Variants in ABHD2 observed in about 807,000 individuals in gnomAD.
The protein encoded by ABHD2 is abhydrolase domain containing 2, acylglycerol lipase.
In ABHD2, 20 loss-of-function variants were observed where a neutral mutation model predicts 48.1. That is an observed-to-expected ratio of 0.42 (90% CI 0.29 to 0.60). The LOEUF (loss-of-function observed/expected upper bound fraction) is 0.60. ABHD2 is among the 20% of genes least tolerant of loss of function. ABHD2 has a pLI of 0.24. For synonymous variants in ABHD2, 209 were observed against 214.2 expected, an observed-to-expected ratio of 0.98 and a Z score of 0.21; for missense variants, 405 against 550.9, an observed-to-expected ratio of 0.74 and a Z score of 2.65.
Position 89,155,401 on chromosome 15 carries a change from C to T in ABHD2, c.405C>T (p.Ala135=), listed in dbSNP as rs2050656175. 1 of 1,614,018 alleles carries T rather than the reference C, an allele frequency of 6.2e-7. No individual in the cohort carries two copies. Among genetic ancestry groups the T allele is most frequent in the African/African-American group, 1.3e-5 (1 of 74,918 alleles). The change falls in exon 5 of 11, where the codon GCC becomes GCT. Residue 135 remains alanine (A), a synonymous_variant. Coordinates refer to ENST00000352732, the MANE Select transcript of ABHD2 (RefSeq NM_152924.5). The surrounding 1 kb of genome is among the most constrained non-coding windows in gnomAD (Gnocchi z 4.9). ...DITMVICPGI[A]NHSEKQYIRT... ...CCATGGTCATCTGCCCTGGAATTGC[C>T]AATCACAGCGAGAAGCAATACATCC... is the stretch of plus-strand genomic sequence containing the variant.
rs1456569246 is a variant in ABHD2, at chr15:89,151,322, T to C, written c.195-355T>C. ...ATTTCATATACATCAGCTCCTTTAA[T>C]AATGAGCTAACCTGTCAAGTTAGAA... On this transcript the variant is annotated intron_variant, in intron 3 of 10. Coordinates refer to ENST00000352732, the MANE Select transcript of ABHD2 (RefSeq NM_152924.5). This position sits in a 1 kb window ranked among gnomAD's most constrained non-coding sequence, Gnocchi z 4.7. Among the ~76,000 whole-genome samples the C allele has an allele frequency of 6.6e-6, 1 of 152,232 alleles. No homozygotes were observed. Among genetic ancestry groups the C allele is most frequent in the East Asian group, 1.9e-4 (1 of 5,200 alleles).
chr15:89,063,547 GACAC>G, the ABHD2 span, among the ~76,000 whole-genome samples: 1 of 150,266 alleles, frequency 6.7e-6, no homozygotes, highest in East Asian at 1.9e-4. Flanking sequence ...CACACACACA[GACAC>G]ACACACACAC....
At chr15:89,156,825 A>C (rs147446082) in intron 5 of ABHD2, among the ~76,000 whole-genome samples, 93 of 152,366 alleles carry the variant, frequency 6.1e-4, no homozygotes, top group African/African-American at 2.1e-3. Context: ...TACATAAACA[A>C]TAAACACATA....
At chr15:89,161,443 G>A (rs917718033) in intron 5 of ABHD2, among the ~76,000 whole-genome samples, 3 of 151,810 alleles carry the variant, frequency 2.0e-5, no homozygotes, top group African/African-American at 7.3e-5. Flanking sequence ...CTCTGTTGCC[G>A]AGGCTGGAGT....
Position 89,185,082 on chromosome 15 carries a change from G to A in ABHD2, c.723-342G>A, listed in dbSNP as rs2051183120. Among the ~76,000 whole-genome samples, 1 of 152,186 alleles carries A rather than the reference G, an allele frequency of 6.6e-6. No individual in the cohort carries two copies. Among genetic ancestry groups the A allele is most frequent in the Non-Finnish European group, 1.5e-5 (1 of 68,036 alleles). The stretch of plus-strand genomic sequence containing the variant: ...AGGTAGGGAGCCAAATACAGAAAGT[G>A]TTCACATGACAATTGAAGCAGACTT... On this transcript the variant is annotated intron_variant, in intron 6 of 10. Transcript: ENST00000352732. This position sits in a 1 kb window ranked among gnomAD's most constrained non-coding sequence, Gnocchi z 5.9.
chr15:89,170,080 CTTTTTTTTTTTTTTTTTTTTTTTTTT>C (rs748983183), intron 5 of ABHD2, among the ~76,000 whole-genome samples: 1 of 37,486 alleles, frequency 2.7e-5, no homozygotes, highest in Non-Finnish European at 5.4e-5. Flanking sequence ...AGATCAGATT[CTTTTTTTTTTTTTTTTTTTTTTTTTT>C]TTTTTTTGGA....
rs896814133 is a variant in ABHD2 at position 89,184,204 on chromosome 15, G to A, written c.723-1220G>A. 2.0e-5 allele frequency among the ~76,000 whole-genome samples: 3 copies of A among 151,992 alleles called. No homozygotes were observed. The highest frequency in any genetic ancestry group is 2.1e-4 in the South Asian group (1 of 4,818). ...CCACTACCTCTTATTTTTTAACCAC[G>A]ACATTGTGGGAAATGTTTGTCACTC... On this transcript the variant is annotated intron_variant, in intron 6 of 10. Coordinates refer to ENST00000352732, the MANE Select transcript of ABHD2 (RefSeq NM_152924.5). This position sits in a 1 kb window ranked among gnomAD's most constrained non-coding sequence, Gnocchi z 5.1.
chr15:89,141,485 T>C (rs1596108428), intron 3 of ABHD2, among the ~76,000 whole-genome samples: 1 of 152,078 alleles, frequency 6.6e-6, no homozygotes, highest in Admixed American at 6.6e-5. Flanking sequence ...ATACAAAAAT[T>C]AGCCAGGCAT....
At chr15:89,105,102 G>A (rs902689753) in intron 1 of ABHD2, among the ~76,000 whole-genome samples, 1 of 152,214 alleles carries the variant, frequency 6.6e-6, no homozygotes, top group Non-Finnish European at 1.5e-5. Flanking sequence ...CTCAGTGAAA[G>A]AGAAAACAAT....
At chr15:89,095,999 C>T (rs762970041) in intron 1 of ABHD2, among the ~76,000 whole-genome samples, 10 of 152,110 alleles carry the variant, frequency 6.6e-5, no homozygotes, top group Admixed American at 2.0e-4. Flanking sequence ...ATGAACTTCG[C>T]GCAGAAAAGA....
the ABHD2 span, among the ~76,000 whole-genome samples, chr15:89,078,639 G>A: frequency 6.6e-6 from 1 of 152,046 alleles, no homozygotes; most frequent in Non-Finnish European, 1.5e-5. Context: ...AATTTTTTGT[G>A]GGTCCCAAAT....
At chr15:89,055,191 C>G in the ABHD2 span, among the ~76,000 whole-genome samples, 5 of 152,152 alleles carry the variant, frequency 3.3e-5, no homozygotes, top group African/African-American at 7.2e-5. Flanking sequence ...AATTGAAACC[C>G]AGTCCAAAAA....
rs1196527526 is a variant in ABHD2, at chr15:89,182,463, A to G, written c.723-2961A>G. On this transcript the variant is annotated intron_variant, in intron 6 of 10. Coordinates refer to ENST00000352732, the MANE Select transcript of ABHD2 (RefSeq NM_152924.5). This position sits in a 1 kb window ranked among gnomAD's most constrained non-coding sequence, Gnocchi z 4.8. ...CTGCCACCCCTTCTCTCTTCTGGAG[A>G]ACATAGCTATCTAGAGGCAAGTCAA... 1.3e-5 allele frequency among the ~76,000 whole-genome samples: 2 copies of G among 152,074 alleles called. No individual in the cohort carries two copies. Among genetic ancestry groups the G allele is most frequent in the Non-Finnish European group, 2.9e-5 (2 of 68,014 alleles).
intron 5 of ABHD2, among the ~76,000 whole-genome samples, chr15:89,158,142 A>G (rs746757599): frequency 6.6e-6 from 1 of 152,308 alleles, no homozygotes; most frequent in South Asian, 2.1e-4. Flanking sequence ...CTTAATGTGC[A>G]CCAGACACAG....
At position 89,201,779 on chromosome 15, in the gene ABHD2, C is replaced by A. The variant is rs568177208; in HGVS notation, c.*6356C>A. ...GGACCAGGATCTGCTCGTGCTTCGC[C>A]GTGGCCCCGGAGGCAGACGCCATTG... On this transcript the variant is annotated 3_prime_UTR_variant, in exon 11 of 11. Transcript: ENST00000352732. 2.7e-6 allele frequency: 4 copies of A among 1,491,768 alleles called. No individual in the cohort carries two copies. Among genetic ancestry groups the A allele is most frequent in the Admixed American group, 1.7e-5 (1 of 59,828 alleles). The allele number at this position is 1,491,768 out of a possible 1,614,324, so 92.4% of individuals were successfully genotyped here.
chr15:89,172,823 C>A (rs1368758080), intron 5 of ABHD2, among the ~76,000 whole-genome samples: 1 of 152,232 alleles, frequency 6.6e-6, no homozygotes, highest in East Asian at 1.9e-4. Flanking sequence ...AGTTTCCTCA[C>A]TACAAAAATT....
At chr15:89,054,435 C>T in the ABHD2 span, among the ~76,000 whole-genome samples, 4 of 151,944 alleles carry the variant, frequency 2.6e-5, no homozygotes, top group African/African-American at 7.3e-5. Context: ...AATCCCGGCA[C>T]TTTGGGAGGC....
At chr15:89,101,851 A>C (rs999469799) in intron 1 of ABHD2, among the ~76,000 whole-genome samples, 1 of 152,212 alleles carries the variant, frequency 6.6e-6, no homozygotes, top group Admixed American at 6.5e-5. Flanking sequence ...TGGGGCTCAA[A>C]TGGTGAACGT....
intron 3 of ABHD2, among the ~76,000 whole-genome samples, chr15:89,126,294 C>T (rs900440308): frequency 9.2e-5 from 14 of 152,266 alleles, no homozygotes; most frequent in African/African-American, 2.9e-4. Context: ...TTTCAGAATC[C>T]ACCTTGGTTC....
Sources: allele counts gnomAD v4.1 joint callset (sites outside exome capture counted in the v4.1 genomes callset), GRCh38; gene constraint gnomAD v4.1.1; non-coding constraint Gnocchi (gnomAD v3.1); transcripts MANE v1.5; gene names NCBI Gene and HGNC (gene_info 2026-07-23, HGNC 2026-07-21).